Variants in HS3ST4 observed in about 807,000 individuals in gnomAD.
The protein encoded by HS3ST4 is heparan sulfate-glucosamine 3-sulfotransferase 4.
Under a neutral mutation model 29.2 loss-of-function variants are expected in HS3ST4, and 17 were observed. The observed-to-expected ratio is 0.58, with a 90% confidence interval of 0.40 to 0.87. The LOEUF is 0.87. Ranked by LOEUF, HS3ST4 falls within the 40% of genes least tolerant of loss-of-function variation. The pLI, the probability that HS3ST4 is intolerant of heterozygous loss-of-function variation, is 0.00. For synonymous variants in HS3ST4, 314 were observed against 285.7 expected (o/e 1.10, Z -1.00); for missense variants, 627 against 634.5 (o/e 0.99, Z 0.13).
At chr16:26,068,975 G>A (rs925120469) in intron 1 of HS3ST4, among the ~76,000 whole-genome samples, 3 of 152,050 alleles carry the variant, frequency 2.0e-5, no homozygotes, top group African/African-American at 4.8e-5. Flanking sequence ...TGTTTGAGAC[G>A]GGGTGTTGCT....
intron 1 of HS3ST4, among the ~76,000 whole-genome samples, chr16:25,733,294 G>A (rs971414994): frequency 1.3e-5 from 2 of 152,126 alleles, no homozygotes; most frequent in Non-Finnish European, 2.9e-5. Flanking sequence ...GGGCTAACTG[G>A]ATTTGTTAGT....
Position 25,692,404 on chromosome 16 carries a change from A to C in HS3ST4, c.-14A>C, listed in dbSNP as rs1244737534. ...TGCCGCCGCCGCCGCCGCCGCCGCG[A>C]GCCGGGAGCCGCGATGGCCCGGTGG... On this transcript the variant is annotated 5_prime_UTR_variant, in exon 1 of 2. Coordinates refer to ENST00000331351, the MANE Select transcript of HS3ST4 (RefSeq NM_006040.3). 2.4e-6 allele frequency: 2 copies of C among 831,716 alleles called. No individual in the cohort carries two copies. The highest frequency in any genetic ancestry group is 7.1e-5 in the East Asian group (1 of 14,032). The allele number at this position is 831,716 out of a possible 1,614,324, so 51.5% of individuals were successfully genotyped here.
At chr16:25,907,376 C>A (rs1159719670) in intron 1 of HS3ST4, among the ~76,000 whole-genome samples, 1 of 152,008 alleles carries the variant, frequency 6.6e-6, no homozygotes, top group Non-Finnish European at 1.5e-5. Context: ...GTAGGGGAGT[C>A]AAAGGTATCT....
intron 1 of HS3ST4, among the ~76,000 whole-genome samples, chr16:25,725,794 A>G (rs1476193749): frequency 6.6e-6 from 1 of 151,034 alleles, no homozygotes; most frequent in Non-Finnish European, 1.5e-5. Context: ...AATTAAATAA[A>G]TGCATATATT....
At chr16:25,947,567 T>C (rs1968641022) in intron 1 of HS3ST4, among the ~76,000 whole-genome samples, 1 of 152,024 alleles carries the variant, frequency 6.6e-6, no homozygotes, top group Non-Finnish European at 1.5e-5. Context: ...TAATGCAAAA[T>C]CACAAGTATA....
intron 1 of HS3ST4, among the ~76,000 whole-genome samples, chr16:25,888,861 A>G (rs772844662): frequency 2.6e-5 from 4 of 152,218 alleles, no homozygotes; most frequent in South Asian, 2.1e-4. Flanking sequence ...GCTGAGGCCT[A>G]TTTCAAGGGC....
intron 1 of HS3ST4, among the ~76,000 whole-genome samples, chr16:25,961,187 C>T (rs1968789778): frequency 6.6e-6 from 1 of 152,298 alleles, no homozygotes; most frequent in African/African-American, 2.4e-5. Context: ...CCACAACCAA[C>T]AGCAAAAGTG....
intron 1 of HS3ST4, among the ~76,000 whole-genome samples, chr16:25,830,908 A>G (rs1335480894): frequency 3.3e-5 from 5 of 152,136 alleles, no homozygotes; most frequent in Non-Finnish European, 7.4e-5. Flanking sequence ...TGCCTTGTGT[A>G]AGCACCCAGT....
intron 1 of HS3ST4, among the ~76,000 whole-genome samples, chr16:26,111,619 C>A (rs1899130267): frequency 2.0e-5 from 3 of 152,160 alleles, no homozygotes; most frequent in African/African-American, 7.2e-5. Context: ...ATTCCTTCAG[C>A]TGGGCAGCAA....
At chr16:25,969,008 C>T (rs28394145) in intron 1 of HS3ST4, among the ~76,000 whole-genome samples, 29,786 of 151,986 alleles carry the variant, frequency 0.2, 3,096 homozygotes, top group Middle Eastern at 0.26. Context: ...TTAGCAGAGA[C>T]GGGGGTTTCA....
At chr16:25,898,790 G>A (rs1968094933) in intron 1 of HS3ST4, among the ~76,000 whole-genome samples, 1 of 152,210 alleles carries the variant, frequency 6.6e-6, no homozygotes, top group African/African-American at 2.4e-5. Context: ...GAATAAGAGA[G>A]GGAGATGTTG....
At chr16:25,791,940 A>G (rs1056079460) in intron 1 of HS3ST4, among the ~76,000 whole-genome samples, 5 of 151,946 alleles carry the variant, frequency 3.3e-5, no homozygotes, top group Non-Finnish European at 5.9e-5. Context: ...CTTGTCTCTT[A>G]TTTCAGAGAG....
At chr16:26,101,174 G>C (rs1208561768) in intron 1 of HS3ST4, among the ~76,000 whole-genome samples, 1 of 152,050 alleles carries the variant, frequency 6.6e-6, no homozygotes, top group East Asian at 1.9e-4. Context: ...CAGGCTTCTG[G>C]CTTCTGCTCT....
chr16:25,895,983 T>C (rs533633599), intron 1 of HS3ST4, among the ~76,000 whole-genome samples: 12 of 152,198 alleles, frequency 7.9e-5, no homozygotes, highest in African/African-American at 1.2e-4. Flanking sequence ...GGGGAACTAA[T>C]GTCCACGGCC....
chr16:25,737,373 A>AAC (rs60674942), intron 1 of HS3ST4, among the ~76,000 whole-genome samples: 2 of 151,870 alleles, frequency 1.3e-5, no homozygotes, highest in South Asian at 2.1e-4. Flanking sequence ...CCCACACACA[A>AAC]ACACACACAC....
At chr16:25,860,211 A>T (rs376828410) in intron 1 of HS3ST4, among the ~76,000 whole-genome samples, 1 of 152,142 alleles carries the variant, frequency 6.6e-6, no homozygotes, top group East Asian at 1.9e-4. Flanking sequence ...ACAACACCAA[A>T]TGCTGGTGAG....
chr16:25,828,301 C>CCTCT (rs1196055715), intron 1 of HS3ST4, among the ~76,000 whole-genome samples: 4,843 of 32,784 alleles, frequency 0.15, 963 homozygotes, highest in Non-Finnish European at 0.19. Context: ...TCTTTCTTTC[C>CCTCT]CTCTCTCTCT....
At chr16:25,731,496 A>G (rs541984351) in intron 1 of HS3ST4, among the ~76,000 whole-genome samples, 11 of 152,188 alleles carry the variant, frequency 7.2e-5, no homozygotes, top group African/African-American at 2.6e-4. Context: ...ATGCAACAGC[A>G]TACTCAACTA....
intron 1 of HS3ST4, among the ~76,000 whole-genome samples, chr16:25,797,974 G>A (rs1966898096): frequency 6.6e-6 from 1 of 152,208 alleles, no homozygotes; most frequent in African/African-American, 2.4e-5. Context: ...GCATGGCAGA[G>A]GCCATATGAC....
Sources: allele counts gnomAD v4.1 joint callset (sites outside exome capture counted in the v4.1 genomes callset), GRCh38; gene constraint gnomAD v4.1.1; transcripts MANE v1.5; gene names NCBI Gene and HGNC (gene_info 2026-07-23, HGNC 2026-07-21).